Variants in SH2B3 observed in about 807,000 individuals in gnomAD.
SH2B3 encodes the protein SH2B adaptor protein 3.
Under a neutral mutation model 51.9 loss-of-function variants are expected in SH2B3, and 43 were observed. That is an observed-to-expected ratio of 0.83 (90% confidence interval 0.65 to 1.07). The LOEUF is 1.07. Among genes scored for constraint, SH2B3 ranks in the 50% least tolerant of loss-of-function variants. The pLI is 0.00. For synonymous variants in SH2B3, 396 were observed against 376.0 expected (o/e 1.05, Z -0.62); for missense variants, 952 against 834.3 (o/e 1.14, Z -1.74).
In SH2B3 at chr12:111,406,609, C is replaced by T. The variant is rs1233436070; in HGVS notation, c.-28+332C>T. On this transcript the variant is annotated intron_variant, in intron 1 of 7. Coordinates refer to ENST00000341259, the MANE Select transcript of SH2B3 (RefSeq NM_005475.3). This position sits in a 1 kb window ranked among gnomAD's most constrained non-coding sequence, Gnocchi z 5.7. The stretch of plus-strand genomic sequence containing the variant: ...GGGCGGCCCTCCCCTCAACTTGTGC[C>T]TGGGGAGGAGCGGTCAGGGGTCACC... 1.3e-5 allele frequency among the ~76,000 whole-genome samples: 2 copies of T among 152,204 alleles called. No homozygotes were observed. The highest frequency in any genetic ancestry group is 6.5e-5 in the Admixed American group (1 of 15,292).
In SH2B3 at chr12:111,447,664, C is replaced by T. The variant is rs1330926057; in HGVS notation, c.1245C>T (p.Arg415=). The change falls in exon 7 of 8, where the codon CGC becomes CGT. Residue 415 remains arginine, a synonymous_variant. Coordinates refer to ENST00000341259, the MANE Select transcript of SH2B3 (RefSeq NM_005475.3). ...FNFQGIAKHL[R]LSLTERGQCR... ...ATCCTCTCCTCCCACAGCACCTGCG[C>T]CTGTCGCTGACAGAGCGGGGCCAGT... 1 of 1,611,926 alleles carries T rather than the reference C, an allele frequency of 6.2e-7. No individual in the cohort carries two copies. Among genetic ancestry groups the T allele is most frequent in the East Asian group, 2.2e-5 (1 of 44,846 alleles).
chr12:111,437,895 T>TCTGGGCCTGCCCCAGGG (rs1873029906), intron 2 of SH2B3, among the ~76,000 whole-genome samples: 1 of 152,182 alleles, frequency 6.6e-6, no homozygotes, highest in Non-Finnish European at 1.5e-5. Context: ...AAGTACCTCC[T>TCTGGGCCTGCCCCAGGG]CTGGGCCTGC....
intron 2 of SH2B3, among the ~76,000 whole-genome samples, chr12:111,431,030 C>T (rs1178697192): frequency 6.7e-5 from 9 of 134,860 alleles, no homozygotes; most frequent in South Asian, 4.9e-4. Flanking sequence ...GGGTGGGTGG[C>T]GGGGGGGGCT....
chr12:111,417,130 C>G (rs1053180888), intron 1 of SH2B3, among the ~76,000 whole-genome samples: 1 of 152,230 alleles, frequency 6.6e-6, no homozygotes, highest in African/African-American at 2.4e-5. Flanking sequence ...GGGTCTTCCT[C>G]ACTCTTTCCC....
chr12:111,432,282 C>T (rs1439191575), intron 2 of SH2B3, among the ~76,000 whole-genome samples: 1 of 152,102 alleles, frequency 6.6e-6, no homozygotes. Context: ...GAACTCCTGA[C>T]CTCAGGTGAG....
In SH2B3 at chr12:111,416,403, C is replaced by G. The variant is rs369437858; in HGVS notation, c.-27-1716C>G. Among the ~76,000 whole-genome samples, 4 of 152,296 alleles carry G rather than the reference C, an allele frequency of 2.6e-5. 1 individual carries two copies. In the South Asian group the frequency reaches 8.3e-4, roughly 32 times the overall value. ...TGAAGTAGGCATGATCATGGTTCCC[C>G]TCTTACAGATGGAGAAACTGAGGTA... On this transcript the variant is annotated intron_variant, in intron 1 of 7. Coordinates refer to ENST00000341259, the MANE Select transcript of SH2B3 (RefSeq NM_005475.3).
rs1033715501 is a variant in SH2B3 at position 111,448,523 on chromosome 12, G to A, written c.*221G>A. ...GGCTTTCTCCTTATTGTTTACAGAT[G>A]TAGTTCTTGTTAGAGGATGCCGCTA... On this transcript the variant is annotated 3_prime_UTR_variant, in exon 8 of 8. Transcript: ENST00000341259. 4.1e-5 allele frequency: 23 copies of A among 563,106 alleles called. No individual in the cohort carries two copies. Among genetic ancestry groups the A allele is most frequent in the Non-Finnish European group, 6.3e-5 (20 of 317,632 alleles). The allele number at this position is 563,106 out of a possible 1,614,324, so 34.9% of individuals were successfully genotyped here.
At chr12:111,432,117 TTC>T (rs1003215654) in intron 2 of SH2B3, among the ~76,000 whole-genome samples, 3 of 133,208 alleles carry the variant, frequency 2.3e-5, no homozygotes, top group African/African-American at 1.0e-4. Context: ...TTTTTCTGTA[TTC>T]TTTTTTTTTT....
chr12:111,434,726 C>T, intron 2 of SH2B3: 4 of 1,388,868 alleles, frequency 2.9e-6, no homozygotes, highest in Non-Finnish European at 3.8e-6. Flanking sequence ...TTTCCTTTTT[C>T]ACTTTTAATT....
At position 111,448,210 on chromosome 12, in the gene SH2B3, C is replaced by T. The variant is rs921916333; in HGVS notation, c.1636C>T (p.Pro546Ser). The change falls in exon 8 of 8, where the codon CCT (proline) becomes TCT (serine). Residue 546 changes from proline (P) to serine (S), a missense_variant. Physicochemically the swap from Pro to Ser is moderately conservative, Grantham distance 74. Transcript: ENST00000341259. ...ANSLQHLEHE[P>S]VNRARDSDYE... ...CAGCCTGCAGCACCTGGAGCATGAGCCTGTGAATCGAGCCCGGGACTCGGA... is the reference window on the plus strand; with the variant it reads ...CAGCCTGCAGCACCTGGAGCATGAGTCTGTGAATCGAGCCCGGGACTCGGA... 1 of 1,614,178 alleles carries T rather than the reference C, an allele frequency of 6.2e-7. No individual in the cohort carries two copies.
chr12:111,412,446 GC>G (rs1428093289), intron 1 of SH2B3, among the ~76,000 whole-genome samples: 1 of 152,220 alleles, frequency 6.6e-6, no homozygotes, highest in South Asian at 2.1e-4. Context: ...CATGAGGCAG[GC>G]CCCCCTGTGG....
Position 111,409,721 on chromosome 12 carries a change from C to T in SH2B3, c.-28+3444C>T, listed in dbSNP as rs1285282832. 6.6e-6 allele frequency among the ~76,000 whole-genome samples: 1 copy of T among 152,184 alleles called. No individual in the cohort carries two copies. The highest frequency in any genetic ancestry group is 1.5e-5 in the Non-Finnish European group (1 of 68,030). On this transcript the variant is annotated intron_variant, in intron 1 of 7. Transcript: ENST00000341259. The surrounding 1 kb of genome is among the most constrained non-coding windows in gnomAD (Gnocchi z 4.0). The stretch of plus-strand genomic sequence containing the variant: ...CTTGGAGACTGAGCAGGTCCTGAGG[C>T]CTGGCAGCAGGACCAGGCCACCACT...
At chr12:111,412,443 C>T (rs183890430) in intron 1 of SH2B3, among the ~76,000 whole-genome samples, 22 of 152,346 alleles carry the variant, frequency 1.4e-4, no homozygotes, top group African/African-American at 5.3e-4. Flanking sequence ...GCCCATGAGG[C>T]AGGCCCCCCT....
rs924752130 is a variant in SH2B3 at position 111,409,890 on chromosome 12, C to T, written c.-28+3613C>T. Among the ~76,000 whole-genome samples the T allele has an allele frequency of 6.6e-6, 1 of 152,090 alleles. No homozygotes were observed. Among genetic ancestry groups the T allele is most frequent in the African/African-American group, 2.4e-5 (1 of 41,420 alleles). ...CCCAGGGGAACAGGTCCTCCTGGTGCCCCCCCACTCCCCGCCCCAGCCGGA... is the reference window on the plus strand; with the variant it reads ...CCCAGGGGAACAGGTCCTCCTGGTGTCCCCCCACTCCCCGCCCCAGCCGGA... On this transcript the variant is annotated intron_variant, in intron 1 of 7. Coordinates refer to ENST00000341259, the MANE Select transcript of SH2B3 (RefSeq NM_005475.3). The surrounding 1 kb of genome is among the most constrained non-coding windows in gnomAD (Gnocchi z 4.0).
In SH2B3 at chr12:111,447,532, G is replaced by A. The variant is rs757194792; in HGVS notation, c.1224G>A (p.Gln408=). The change falls in exon 6 of 8, where the codon CAG becomes CAA. Residue 408 remains glutamine (Q), a synonymous_variant. Transcript: ENST00000341259. ...RGEYVLTFNF[Q]GIAKHLRLSL... is the part of the protein sequence containing the mutation. Reference sequence around the variant, plus strand: ...AATACGTGCTCACTTTCAACTTTCAGGGGATAGCCAAGGTATGGGGTGGGG... The same window carrying A: ...AATACGTGCTCACTTTCAACTTTCAAGGGATAGCCAAGGTATGGGGTGGGG... The A allele has an allele frequency of 1.4e-6, 2 of 1,423,450 alleles. No individual in the cohort carries two copies. Among genetic ancestry groups the A allele is most frequent in the Non-Finnish European group, 1.9e-6 (2 of 1,071,754 alleles). 88.2% of individuals were successfully genotyped at this position (1,423,450 alleles called of 1,614,324 possible). A position where few individuals can be genotyped will look rare whatever the true frequency, so the allele number is the denominator to read the frequency against.
intron 1 of SH2B3, among the ~76,000 whole-genome samples, chr12:111,416,948 C>T (rs747072808): frequency 4.0e-4 from 61 of 152,216 alleles, no homozygotes; most frequent in Non-Finnish European, 7.8e-4. Flanking sequence ...GATGAGTTTG[C>T]TTCTGCCAGA....
rs557306006 is a variant in SH2B3, at chr12:111,435,026, A to G, written c.733-11727A>G. The stretch of plus-strand genomic sequence containing the variant: ...CTTCTTCTGAATCATCGTTCTTCGA[A>G]GGCAGGCAGTAGCTACCGTTGTCTG... On this transcript the variant is annotated intron_variant, in intron 2 of 7. Coordinates refer to ENST00000341259, the MANE Select transcript of SH2B3 (RefSeq NM_005475.3). The surrounding 1 kb of genome is among the most constrained non-coding windows in gnomAD (Gnocchi z 4.8). 6.5e-7 allele frequency: 1 copy of G among 1,533,886 alleles called. No homozygotes were observed. The highest frequency in any genetic ancestry group is 1.4e-5 in the African/African-American group (1 of 73,064).
At chr12:111,443,366 C>T (rs1317718381) in intron 2 of SH2B3, 1 of 152,266 alleles carries the variant, frequency 6.6e-6, no homozygotes, top group Non-Finnish European at 1.5e-5. Context: ...TCCATGTGGA[C>T]CCTGGGTGGA....
intron 2 of SH2B3, among the ~76,000 whole-genome samples, chr12:111,439,996 T>A (rs1300010113): frequency 6.6e-6 from 1 of 152,166 alleles, no homozygotes; most frequent in East Asian, 1.9e-4. Context: ...CCTGCACATC[T>A]TCTGTGGCTC....
Sources: gnomAD v4.1 joint callset for allele counts (sites outside exome capture counted in the v4.1 genomes callset) on GRCh38, gnomAD v4.1.1 for gene constraint, Gnocchi (gnomAD v3.1) non-coding constraint, MANE v1.5 for transcripts, NCBI Gene and HGNC (gene_info 2026-07-23, HGNC 2026-07-21) for gene names.